The following SLC25A13 variants were observed in gnomAD, a reference collection of about 807,000 sequenced individuals.
SLC25A13 encodes solute carrier family 25 member 13, also known as electrogenic aspartate/glutamate antiporter SLC25A13, mitochondrial.
In SLC25A13, 70 loss-of-function variants were observed where a neutral mutation model predicts 85.5. The ratio of observed to expected loss-of-function variants is 0.82; its 90% CI spans 0.68 to 1.00. SLC25A13 has a LOEUF of 1.00. Among genes scored for constraint, SLC25A13 ranks in the 50% least tolerant of loss-of-function variants. The pLI, the probability that SLC25A13 is intolerant of heterozygous loss-of-function variation, is 0.00. For missense variants in SLC25A13, 765 were observed against 819.8 expected (o/e 0.93, Z 0.82); for synonymous variants, 259 against 288.7 (o/e 0.90, Z 1.04).
intron 5 of SLC25A13, among the ~76,000 whole-genome samples, chr7:96,206,806 C>T (rs1420849976): frequency 6.6e-6 from 1 of 152,152 alleles, no homozygotes. Flanking sequence ...CTGGCTTCCC[C>T]ATATCTGGAG....
chr7:96,291,040 T>C (rs1444711190), intron 2 of SLC25A13, among the ~76,000 whole-genome samples: 1 of 152,118 alleles, frequency 6.6e-6, no homozygotes. Context: ...TAAAGCCCTC[T>C]TCAGCAAATG....
intron 13 of SLC25A13, among the ~76,000 whole-genome samples, chr7:96,149,480 G>A (rs771822388): frequency 2.6e-5 from 4 of 152,196 alleles, no homozygotes; most frequent in African/African-American, 4.8e-5. Flanking sequence ...TTAAAGCAGA[G>A]TTAGTTATCA....
chr7:96,277,543 T>G (rs1798506177), intron 2 of SLC25A13, among the ~76,000 whole-genome samples: 1 of 152,086 alleles, frequency 6.6e-6, no homozygotes, highest in Non-Finnish European at 1.5e-5. Context: ...CTGGGAGCAA[T>G]GTTTTCCCAC....
intron 1 of SLC25A13, among the ~76,000 whole-genome samples, chr7:96,318,672 A>G (rs959636924): frequency 1.3e-5 from 2 of 152,260 alleles, no homozygotes; most frequent in Non-Finnish European, 2.9e-5. Flanking sequence ...TATTTAAAGG[A>G]AGGTCATGAA....
intron 4 of SLC25A13, among the ~76,000 whole-genome samples, chr7:96,219,374 A>C (rs1423360030): frequency 6.6e-6 from 1 of 152,194 alleles, no homozygotes; most frequent in African/African-American, 2.4e-5. Context: ...GTATTGGTGT[A>C]TGTAAAAATT....
intron 4 of SLC25A13, among the ~76,000 whole-genome samples, chr7:96,226,209 C>T (rs1421265277): frequency 6.6e-6 from 1 of 152,138 alleles, no homozygotes; most frequent in African/African-American, 2.4e-5. Flanking sequence ...CTGGTAGCCA[C>T]CACTCTTTGA....
chr7:96,239,658 G>A (rs1281802077), intron 3 of SLC25A13, among the ~76,000 whole-genome samples: 1 of 152,008 alleles, frequency 6.6e-6, no homozygotes, highest in East Asian at 1.9e-4. Flanking sequence ...GTAGAACATG[G>A]GTCAGCTAAC....
In SLC25A13 at chr7:96,157,274, G is replaced by GT. The variant is rs201581282; in HGVS notation, c.1312-10579dup. Among the ~76,000 whole-genome samples the GT allele has an allele frequency of 5.4e-3, 827 of 152,112 alleles. 7 individuals are homozygous for GT. The highest frequency in any genetic ancestry group is 0.019 in the African/African-American group (775 of 41,494). On this transcript the variant is annotated intron_variant, in intron 13 of 17. Coordinates refer to ENST00000265631, the MANE Select transcript of SLC25A13 (RefSeq NM_014251.3). ...CTCACGGCTCACAGTAAAATTATAG[G>GT]TTTTTTCTTCTAATACCGCCTTCTC...
At chr7:96,182,341 G>A (rs1232930114) in intron 11 of SLC25A13, among the ~76,000 whole-genome samples, 1 of 152,186 alleles carries the variant, frequency 6.6e-6, no homozygotes, top group Non-Finnish European at 1.5e-5. Flanking sequence ...ATATCAGGAA[G>A]AAATGAACAC....
At chr7:96,139,124 T>A (rs951772685) in intron 14 of SLC25A13, among the ~76,000 whole-genome samples, 3 of 152,246 alleles carry the variant, frequency 2.0e-5, no homozygotes, top group African/African-American at 7.2e-5. Context: ...TGCATTATTT[T>A]AGTAAATCCA....
At chr7:96,202,573 T>C (rs1213345623) in intron 5 of SLC25A13, among the ~76,000 whole-genome samples, 6 of 152,186 alleles carry the variant, frequency 3.9e-5, no homozygotes, top group African/African-American at 4.8e-5. Context: ...ATGATGCTTT[T>C]AGAGCAATAG....
intron 1 of SLC25A13, among the ~76,000 whole-genome samples, chr7:96,308,154 CAAAA>C (rs757439839): frequency 2.5e-5 from 2 of 81,468 alleles, no homozygotes. Context: ...ACTCCATCTC[CAAAA>C]AAAAAAAAAA....
rs780663014 is a variant in SLC25A13 at position 96,184,937 on chromosome 7, A to G, written c.1008T>C (p.Ser336=). ...TCATCCATGACTAACCTCCAGCAAC[A>G]GAACCCAGACCAAACCTGTAGGCCG... The part of the protein sequence containing the change: ...AESAYRFGLG[S]VAGAVGATAV... Residue 336 remains serine (S), a synonymous_variant, in exon 10 of 18, where the codon TCT becomes TCC. Coordinates refer to ENST00000265631, the MANE Select transcript of SLC25A13 (RefSeq NM_014251.3). 1.2e-6 allele frequency: 2 copies of G among 1,614,214 alleles called. No individual in the cohort carries two copies. Among genetic ancestry groups the G allele is most frequent in the Non-Finnish European group, 1.7e-6 (2 of 1,180,002 alleles).
intron 4 of SLC25A13, among the ~76,000 whole-genome samples, chr7:96,217,917 A>AAAAC (rs1554356762): frequency 5.3e-5 from 8 of 151,658 alleles, no homozygotes; most frequent in African/African-American, 1.7e-4. Context: ...AAAAAACAAA[A>AAAAC]AACACCTAGA....
rs1554356761 is a variant in SLC25A13 at position 96,217,917 on chromosome 7, A to AAC, written c.329-8941_329-8940insGT. Among the ~76,000 whole-genome samples, 1,425 of 151,752 alleles carry AAC rather than the reference A, an allele frequency of 9.4e-3. 30 individuals are homozygous for AAC. Among genetic ancestry groups the AAC allele is most frequent in the African/African-American group, 0.033 (1,369 of 41,288 alleles). On this transcript the variant is annotated intron_variant, in intron 4 of 17. Transcript: ENST00000265631. ...GCTTTCTCTGAAAAAAAAAAACAAA[A>AAC]AACACCTAGAACTGTCAGAGATCTG...
intron 14 of SLC25A13, among the ~76,000 whole-genome samples, chr7:96,133,392 T>C (rs1347538223): frequency 2.0e-5 from 3 of 152,182 alleles, no homozygotes; most frequent in African/African-American, 7.2e-5. Context: ...ACAGGTAATC[T>C]ATCGTCCTGG....
intron 5 of SLC25A13, among the ~76,000 whole-genome samples, chr7:96,201,412 T>C (rs1435695804): frequency 6.6e-6 from 1 of 150,830 alleles, no homozygotes; most frequent in African/African-American, 2.4e-5. Context: ...CTCCAGAGGC[T>C]GAGGCAGGAG....
chr7:96,155,706 C>T (rs1414844965), intron 13 of SLC25A13, among the ~76,000 whole-genome samples: 1 of 152,212 alleles, frequency 6.6e-6, no homozygotes, highest in East Asian at 1.9e-4. Flanking sequence ...TACGGCCCTG[C>T]AAACTCTCTC....
Position 96,296,894 on chromosome 7 carries a change from T to C in SLC25A13, c.69+4A>G. Reference sequence around the variant, plus strand: ...AGAAACAAAATAGATTCCTTTATACTGACCTTCAAAAATATTGTTCTAAGC... The same window carrying C: ...AGAAACAAAATAGATTCCTTTATACCGACCTTCAAAAATATTGTTCTAAGC... On this transcript the variant is annotated splice_donor_region_variant and intron_variant, in intron 2 of 17. Coordinates refer to ENST00000265631, the MANE Select transcript of SLC25A13 (RefSeq NM_014251.3). 1 of 1,612,034 alleles carries C rather than the reference T, an allele frequency of 6.2e-7. No homozygotes were observed. The highest frequency in any genetic ancestry group is 8.5e-7 in the Non-Finnish European group (1 of 1,178,194).
Sources: allele counts gnomAD v4.1 joint callset (sites outside exome capture counted in the v4.1 genomes callset), GRCh38; gene constraint gnomAD v4.1.1; transcripts MANE v1.5; gene names NCBI Gene and HGNC (gene_info 2026-07-23, HGNC 2026-07-21).